MGAT4C: variants seen among roughly 807,000 people sequenced by gnomAD.
MGAT4C encodes the protein alpha-1,3-mannosyl-glycoprotein 4-beta-N-acetylglucosaminyltransferase C.
Under a neutral mutation model 40.1 loss-of-function variants are expected in MGAT4C, and 19 were observed. That is an observed-to-expected ratio of 0.47 (90% CI 0.33 to 0.70). MGAT4C has a LOEUF of 0.70. Among genes scored for constraint, MGAT4C ranks in the 30% least tolerant of loss-of-function variants. The probability of loss-of-function intolerance (pLI) is 0.02; values close to 1 mark genes in which losing one functional copy is unlikely to be tolerated. For synonymous variants in MGAT4C, 181 were observed against 187.1 expected, an observed-to-expected ratio of 0.97 and a Z score of 0.27; for missense variants, 491 against 563.2, an observed-to-expected ratio of 0.87 and a Z score of 1.30.
chr12:86,668,699 T>C (rs1196527789), intron 2 of MGAT4C, among the ~76,000 whole-genome samples: 2 of 152,104 alleles, frequency 1.3e-5, no homozygotes, highest in Non-Finnish European at 2.9e-5. Context: ...CTGTGGAAGG[T>C]GCCTCAGCAG....
chr12:86,496,174 G>C (rs1044925613), intron 2 of MGAT4C, among the ~76,000 whole-genome samples: 6 of 151,802 alleles, frequency 4.0e-5, no homozygotes, highest in Admixed American at 3.3e-4. Context: ...TTGATGATGG[G>C]ACCTATAGAG....
chr12:86,318,198 T>A (rs1237485228), intron 4 of MGAT4C, among the ~76,000 whole-genome samples: 1 of 151,104 alleles, frequency 6.6e-6, no homozygotes, highest in Non-Finnish European at 1.5e-5. Context: ...AAATATATAA[T>A]CTATTTTATG....
intron 1 of MGAT4C, among the ~76,000 whole-genome samples, chr12:86,774,301 TTCTTTCTTTCTTTC>T (rs1951697346): frequency 3.8e-5 from 1 of 26,406 alleles, no homozygotes; most frequent in Non-Finnish European, 1.0e-4. Flanking sequence ...CTTTCTTTCT[TTCTTTCTTTCTTTC>T]TTTCTTTCTT....
chr12:86,331,082 C>T (rs1235359160), intron 4 of MGAT4C, among the ~76,000 whole-genome samples: 1 of 151,992 alleles, frequency 6.6e-6, no homozygotes, highest in Non-Finnish European at 1.5e-5. Context: ...AGTTTTAGAG[C>T]AGGGGTGAAA....
intron 2 of MGAT4C, among the ~76,000 whole-genome samples, chr12:86,439,050 C>G (rs181528090): frequency 4.6e-5 from 7 of 152,068 alleles, no homozygotes; most frequent in Middle Eastern, 3.4e-3. Context: ...ACTCCACTGA[C>G]AGCATTAGAC....
At chr12:86,196,841 A>T (rs1026794179) in intron 1 of MGAT4C, among the ~76,000 whole-genome samples, 3 of 152,158 alleles carry the variant, frequency 2.0e-5, no homozygotes. Flanking sequence ...CAACATAGTT[A>T]GTCTGATAAT....
chr12:86,382,519 C>T (rs1387474544), intron 3 of MGAT4C, among the ~76,000 whole-genome samples: 2 of 152,196 alleles, frequency 1.3e-5, no homozygotes, highest in Admixed American at 1.3e-4. Flanking sequence ...TTCAAGCTGA[C>T]TGCAGAAATT....
At chr12:86,324,180 G>C (rs1004267106) in intron 4 of MGAT4C, among the ~76,000 whole-genome samples, 8 of 151,706 alleles carry the variant, frequency 5.3e-5, no homozygotes, top group African/African-American at 1.9e-4. Flanking sequence ...CTTATTCTAT[G>C]GTTATGTATT....
At chr12:86,662,877 C>T (rs940699208) in intron 2 of MGAT4C, among the ~76,000 whole-genome samples, 3 of 152,168 alleles carry the variant, frequency 2.0e-5, no homozygotes, top group Admixed American at 1.3e-4. Flanking sequence ...AACACTATTA[C>T]TCTTTCTAGA....
chr12:86,392,528 T>A (rs1205696105), intron 3 of MGAT4C, among the ~76,000 whole-genome samples: 1 of 151,860 alleles, frequency 6.6e-6, no homozygotes, highest in East Asian at 1.9e-4. Context: ...TGTCAATGAG[T>A]AATAAGTGCT....
intron 1 of MGAT4C, among the ~76,000 whole-genome samples, chr12:86,825,287 A>T (rs1218688045): frequency 6.9e-6 from 1 of 145,146 alleles, no homozygotes; most frequent in African/African-American, 2.6e-5. Flanking sequence ...CAAATCCATA[A>T]ATGTGAGTAA....
intron 1 of MGAT4C, among the ~76,000 whole-genome samples, chr12:86,052,129 A>C (rs901762190): frequency 6.6e-6 from 1 of 151,764 alleles, no homozygotes; most frequent in Non-Finnish European, 1.5e-5. Context: ...ATAATAAGAT[A>C]ATTATACATT....
chr12:86,205,087 A>T (rs187003284), intron 1 of MGAT4C, among the ~76,000 whole-genome samples: 1 of 152,126 alleles, frequency 6.6e-6, no homozygotes, highest in Non-Finnish European at 1.5e-5. Context: ...ATAAAAATGT[A>T]AAAATTTGGA....
chr12:86,619,413 T>TA (rs561779915), intron 2 of MGAT4C, among the ~76,000 whole-genome samples: 68 of 152,266 alleles, frequency 4.5e-4, no homozygotes, highest in Non-Finnish European at 5.4e-4. Context: ...TATCTCATAC[T>TA]ACACCAGCTT....
At chr12:86,160,209 C>T (rs1885439362) in intron 1 of MGAT4C, among the ~76,000 whole-genome samples, 1 of 151,994 alleles carries the variant, frequency 6.6e-6, no homozygotes, top group Admixed American at 6.6e-5. Flanking sequence ...GCTTTTGCTG[C>T]ATCCAAGAGA....
At chr12:86,419,119 A>G (rs1956775974) in intron 3 of MGAT4C, among the ~76,000 whole-genome samples, 1 of 152,112 alleles carries the variant, frequency 6.6e-6, no homozygotes, top group South Asian at 2.1e-4. Context: ...GAAAAAATAT[A>G]ACATTATTTC....
chr12:86,423,609 TATTTTAATATA>T (rs1210577340), intron 3 of MGAT4C, among the ~76,000 whole-genome samples: 1 of 152,132 alleles, frequency 6.6e-6, no homozygotes. Flanking sequence ...AATTGAATTA[TATTTTAATATA>T]ATTTTAAGTT....
intron 1 of MGAT4C, among the ~76,000 whole-genome samples, chr12:86,178,855 C>A (rs1887780438): frequency 6.6e-6 from 1 of 152,180 alleles, no homozygotes; most frequent in Admixed American, 6.5e-5. Context: ...AGATCCCTAA[C>A]TTCTTGACCA....
intron 1 of MGAT4C, among the ~76,000 whole-genome samples, chr12:86,829,352 A>T (rs1349353303): frequency 6.6e-6 from 1 of 151,574 alleles, no homozygotes; most frequent in African/African-American, 2.4e-5. Flanking sequence ...CAAGCCTCTA[A>T]AAGTAGCTCC....
Sources: allele counts gnomAD v4.1 joint callset (sites outside exome capture counted in the v4.1 genomes callset), GRCh38; gene constraint gnomAD v4.1.1; transcripts MANE v1.5; gene names NCBI Gene and HGNC (gene_info 2026-07-23, HGNC 2026-07-21).